Variants in SCRT2 observed in about 807,000 individuals in gnomAD.
SCRT2 encodes transcriptional repressor scratch 2.
In SCRT2, 2 loss-of-function variants were observed where a neutral mutation model predicts 3.7. That is an observed-to-expected ratio of 0.54 (90% CI 0.22 to 1.70). The LOEUF is 1.70. SCRT2 is among the 40% of genes most tolerant of loss of function. SCRT2 has a pLI of 0.19. For synonymous variants in SCRT2, 256 were observed against 220.6 expected (o/e 1.16, Z -1.42); for missense variants, 456 against 468.5 (o/e 0.97, Z 0.25).
intron 1 of SCRT2, among the ~76,000 whole-genome samples, chr20:670,235 G>A (rs985313873): frequency 1.3e-5 from 2 of 152,176 alleles, no homozygotes. Flanking sequence ...GCTCCCTCGG[G>A]GGGGATCTCC....
chr20:670,228 C>T (rs1009860287), intron 1 of SCRT2, among the ~76,000 whole-genome samples: 3 of 152,162 alleles, frequency 2.0e-5, no homozygotes, highest in African/African-American at 7.2e-5. Flanking sequence ...GCCTCCTGCT[C>T]CCTCGGGGGG....
chr20:669,000 G>A (rs4297962), intron 1 of SCRT2, among the ~76,000 whole-genome samples: 9,163 of 152,210 alleles, frequency 0.06, 455 homozygotes, highest in East Asian at 0.19. Flanking sequence ...CGGCAGGTTT[G>A]AAACCCTCCA....
At chr20:669,197 G>A (rs1206955899) in intron 1 of SCRT2, among the ~76,000 whole-genome samples, 1 of 152,200 alleles carries the variant, frequency 6.6e-6, no homozygotes, top group Non-Finnish European at 1.5e-5. Context: ...TCAGCCTCTT[G>A]TAAGTATTTG....
chr20:664,103 G>A lies in SCRT2; in HGVS notation c.492C>T (p.Tyr164=), dbSNP rs367934167. Residue 164 remains tyrosine, a synonymous_variant, in exon 2 of 2, where the codon TAC becomes TAT. Coordinates refer to ENST00000246104, the MANE Select transcript of SCRT2 (RefSeq NM_033129.4). The surrounding 1 kb of genome is among the most constrained non-coding windows in gnomAD (Gnocchi z 7.9). ...RHACAECGKT[Y]ATSSNLSRHK... is the part of the protein sequence containing the mutation. The stretch of plus-strand genomic sequence containing the variant: ...GGCGGCTCAGGTTCGACGACGTGGC[G>A]TAGGTCTTGCCGCACTCGGCGCACG... 18 of 1,606,370 alleles carry A rather than the reference G, an allele frequency of 1.1e-5. No homozygotes were observed. Among genetic ancestry groups the A allele is most frequent in the Non-Finnish European group, 1.4e-5 (17 of 1,178,642 alleles).
chr20:663,815 C>G lies in SCRT2; in HGVS notation c.780G>C (p.Gln260His). 2 of 1,597,354 alleles carry G rather than the reference C, an allele frequency of 1.3e-6. No individual in the cohort carries two copies. Among genetic ancestry groups the G allele is most frequent in the Non-Finnish European group, 1.7e-6 (2 of 1,174,062 alleles). ...GGTAGTGCTTGAAGGCCGAGTGCGT[C>G]TGCATGTGCGCGCGCAGGTTGGAGC... ...ADRSNLRAHM[Q>H]THSAFKHYRC... The change falls in exon 2 of 2, where the codon CAG becomes CAC. Residue 260 changes from glutamine (Q) to histidine (H), a missense_variant. By Grantham distance (24) the Gln-to-His change is conservative (BLOSUM62 0). Around this residue, in one of 3 missense-constraint regions of SCRT2, gnomAD observed 144 missense variants for 141.9 expected, o/e 1.01. Transcript: ENST00000246104. This position sits in a 1 kb window ranked among gnomAD's most constrained non-coding sequence, Gnocchi z 6.9.
At chr20:669,640 G>A (rs1006234695) in intron 1 of SCRT2, among the ~76,000 whole-genome samples, 6 of 152,248 alleles carry the variant, frequency 3.9e-5, no homozygotes, top group Non-Finnish European at 8.8e-5. Context: ...TGCTGTATGG[G>A]TATATTTAGA....
In SCRT2 at chr20:666,404, A is replaced by G. The variant is rs1984156772; in HGVS notation, c.134-1943T>C. ...CAGACCCCCCTCCTTCTCCTTCTGT[A>G]TTTCCTCACGTTGTAATTCCTGGTG... is the stretch of plus-strand genomic sequence containing the variant. On this transcript the variant is annotated intron_variant, in intron 1 of 1. Transcript: ENST00000246104. The surrounding 1 kb of genome is among the most constrained non-coding windows in gnomAD (Gnocchi z 4.4). Among the ~76,000 whole-genome samples the G allele has an allele frequency of 6.6e-6, 1 of 152,028 alleles. No individual in the cohort carries two copies. The highest frequency in any genetic ancestry group is 1.5e-5 in the Non-Finnish European group (1 of 68,000).
At position 665,423 on chromosome 20, in the gene SCRT2, A is replaced by G. The variant is rs1984126064; in HGVS notation, c.134-962T>C. On this transcript the variant is annotated intron_variant, in intron 1 of 1. Coordinates refer to ENST00000246104, the MANE Select transcript of SCRT2 (RefSeq NM_033129.4). The surrounding 1 kb of genome is among the most constrained non-coding windows in gnomAD (Gnocchi z 5.0). ...GGGGACTTCCTCGCACCTGCTCCCA[A>G]GCCTGCTCTAGAAGTCGTCGGAAGT... Among the ~76,000 whole-genome samples the G allele has an allele frequency of 6.6e-6, 1 of 152,210 alleles. No homozygotes were observed. The highest frequency in any genetic ancestry group is 1.5e-5 in the Non-Finnish European group (1 of 68,038).
chr20:673,772 G>A (rs1213492029), intron 1 of SCRT2, among the ~76,000 whole-genome samples: 3 of 152,276 alleles, frequency 2.0e-5, no homozygotes, highest in Non-Finnish European at 2.9e-5. Flanking sequence ...AAATTCTCTG[G>A]GCTTCTCTGG....
At chr20:669,896 C>T (rs1984275915) in intron 1 of SCRT2, among the ~76,000 whole-genome samples, 1 of 152,198 alleles carries the variant, frequency 6.6e-6, no homozygotes, top group South Asian at 2.1e-4. Flanking sequence ...TACATCTGCC[C>T]ACGGGGAGGA....
chr20:664,588 C>T lies in SCRT2; in HGVS notation c.134-127G>A, dbSNP rs1370647627. The T allele has an allele frequency of 1.9e-5, 11 of 568,154 alleles. No individual in the cohort carries two copies. The South Asian group carries it at 5.1e-4, about 26-fold the overall frequency. The allele number at this position is 568,154 out of a possible 1,614,324, so 35.2% of individuals were successfully genotyped here. ...TGGCAGCTCCGACAGTGGTGGTCTC[C>T]GACCTGCACCTCAGCTCTTCCTGTC... On this transcript the variant is annotated intron_variant, in intron 1 of 1. Transcript: ENST00000246104. This position sits in a 1 kb window ranked among gnomAD's most constrained non-coding sequence, Gnocchi z 7.9.
intron 1 of SCRT2, among the ~76,000 whole-genome samples, chr20:674,906 G>A (rs1984476576): frequency 6.6e-6 from 1 of 152,194 alleles, no homozygotes; most frequent in Admixed American, 6.5e-5. Flanking sequence ...CCTTTGGCAG[G>A]CATGTGGCTG....
chr20:671,256 T>C (rs532349981), intron 1 of SCRT2, among the ~76,000 whole-genome samples: 1 of 152,358 alleles, frequency 6.6e-6, no homozygotes, highest in South Asian at 2.1e-4. Flanking sequence ...ACCTAGTCCT[T>C]GGACCTGGTC....
chr20:671,920 T>C (rs1984345790), intron 1 of SCRT2, among the ~76,000 whole-genome samples: 1 of 151,976 alleles, frequency 6.6e-6, no homozygotes, highest in South Asian at 2.1e-4. Flanking sequence ...CCAGAAGATA[T>C]TCTTGGCAGG....
Position 675,594 on chromosome 20 carries a change from C to T in SCRT2, c.8G>A (p.Arg3His). The T allele has an allele frequency of 1.5e-6, 2 of 1,304,098 alleles. No homozygotes were observed. Among genetic ancestry groups the T allele is most frequent in the Non-Finnish European group, 2.0e-6 (2 of 1,020,598 alleles). The allele number at this position is 1,304,098 out of a possible 1,614,324, so 80.8% of individuals were successfully genotyped here. MP[R>H]SFLVKKIKGD... is the part of the protein sequence containing the mutation. ...TTTGATCTTCTTTACCAGGAAGGAG[C>T]GCGGCATGGCGCGGCCGGCGCGGGG... The change falls in exon 1 of 2, where the codon CGC becomes CAC. Residue 3 changes from arginine (R) to histidine (H), a missense_variant. Arg to His is a conservative substitution (Grantham distance 29). Transcript: ENST00000246104. The surrounding 1 kb of genome is among the most constrained non-coding windows in gnomAD (Gnocchi z 6.9).
At position 662,916 on chromosome 20, in the gene SCRT2, G is replaced by A. The variant is rs897033397; in HGVS notation, c.*755C>T. 1 of 153,060 alleles carries A rather than the reference G, an allele frequency of 6.5e-6. No individual in the cohort carries two copies. Among genetic ancestry groups the A allele is most frequent in the East Asian group, 1.9e-4 (1 of 5,210 alleles). 9.5% of individuals were successfully genotyped at this position (153,060 alleles called of 1,614,324 possible). A position where few individuals can be genotyped will look rare whatever the true frequency, so the allele number is the denominator to read the frequency against. On this transcript the variant is annotated 3_prime_UTR_variant, in exon 2 of 2. Coordinates refer to ENST00000246104, the MANE Select transcript of SCRT2 (RefSeq NM_033129.4). ...ACTCAGAGGGGTGAGAGCTGCTAGA[G>A]AGGTGAGGGCAGCTGGAGCTGGGGC...
chr20:664,073 C>T lies in SCRT2; in HGVS notation c.522G>A (p.Lys174=), dbSNP rs769267057. 4.3e-6 allele frequency: 7 copies of T among 1,610,804 alleles called. No homozygotes were observed. In the South Asian group the frequency reaches 6.6e-5, roughly 15 times the overall value. The change falls in exon 2 of 2, where the codon AAG becomes AAA. Residue 174 remains lysine, a synonymous_variant. Transcript: ENST00000246104. The surrounding 1 kb of genome is among the most constrained non-coding windows in gnomAD (Gnocchi z 7.9). ...GGCTGTCCAGGCTGCGGTGCGTCTG[C>T]TTGTGGCGGCTCAGGTTCGACGACG... The part of the protein sequence containing the change: ...YATSSNLSRH[K]QTHRSLDSQL...
At chr20:672,420 T>TGCGC (rs1291265133) in intron 1 of SCRT2, among the ~76,000 whole-genome samples, 5 of 125,812 alleles carry the variant, frequency 4.0e-5, no homozygotes, top group African/African-American at 1.4e-4. Flanking sequence ...TGTGTGTGTG[T>TGCGC]GTGCGCGCGT....
chr20:675,423 C>A lies in SCRT2; in HGVS notation c.133+46G>T. ...CCAAGCTGGGGAGGGCCCCAGCTCC[C>A]CTCGCCTCTTCTCCCAACCCCCCGC... On this transcript the variant is annotated intron_variant, in intron 1 of 1. Transcript: ENST00000246104. The surrounding 1 kb of genome is among the most constrained non-coding windows in gnomAD (Gnocchi z 6.9). The A allele has an allele frequency of 7.8e-7, 1 of 1,276,646 alleles. No homozygotes were observed. Among genetic ancestry groups the A allele is most frequent in the East Asian group, 3.1e-5 (1 of 32,650 alleles). The allele number at this position is 1,276,646 out of a possible 1,614,324, so 79.1% of individuals were successfully genotyped here. A position where few individuals can be genotyped will look rare whatever the true frequency, so the allele number is the denominator to read the frequency against.
Sources: allele counts gnomAD v4.1 joint callset (sites outside exome capture counted in the v4.1 genomes callset), GRCh38; gene constraint gnomAD v4.1.1; regional missense constraint gnomAD v4.1.1; non-coding constraint Gnocchi (gnomAD v3.1); transcripts MANE v1.5; gene names NCBI Gene and HGNC (gene_info 2026-07-23, HGNC 2026-07-21).